Variants in SCN1B observed in about 807,000 individuals in gnomAD.
The protein encoded by SCN1B is sodium channel regulatory subunit beta-1.
In SCN1B, 11 loss-of-function variants were observed where a neutral mutation model predicts 25.7. The observed-to-expected ratio is 0.43, with a 90% confidence interval of 0.27 to 0.71. SCN1B has a LOEUF of 0.71. Among genes scored for constraint, SCN1B ranks in the 30% least tolerant of loss-of-function variants. The pLI is 0.21. For missense variants in SCN1B, 224 were observed against 291.5 expected (o/e 0.77, Z 1.69); for synonymous variants, 119 against 117.5 (o/e 1.01, Z -0.08).
In SCN1B at chr19:35,032,064, C is replaced by G. The variant is rs375583108; in HGVS notation, c.41-464C>G. 6.6e-6 allele frequency among the ~76,000 whole-genome samples: 1 copy of G among 152,248 alleles called. No individual in the cohort carries two copies. The highest frequency in any genetic ancestry group is 1.5e-5 in the Non-Finnish European group (1 of 68,004). Reference sequence around the variant, plus strand: ...CACCCCCAGACCTTTTCTCCCAACCCATTTCTCCTGGAGCTAGCTGGTTTT... The same window carrying G: ...CACCCCCAGACCTTTTCTCCCAACCGATTTCTCCTGGAGCTAGCTGGTTTT... On this transcript the variant is annotated intron_variant, in intron 1 of 5. Transcript: ENST00000262631. This position sits in a 1 kb window ranked among gnomAD's most constrained non-coding sequence, Gnocchi z 4.3.
intron 1 of SCN1B, among the ~76,000 whole-genome samples, chr19:35,031,103 A>G (rs1467267735): frequency 1.4e-5 from 2 of 148,138 alleles, no homozygotes; most frequent in African/African-American, 5.0e-5. Context: ...GCAGGCGCCC[A>G]GCCGGGGGCG....
Position 35,033,779 on chromosome 19 carries a change from G to A in SCN1B, c.448+40G>A, listed in dbSNP as rs199685662. The A allele has an allele frequency of 1.9e-4, 310 of 1,613,714 alleles. No individual in the cohort carries two copies. Among genetic ancestry groups the A allele is most frequent in the Non-Finnish European group, 2.4e-4 (280 of 1,180,030 alleles). Reference sequence around the variant, plus strand: ...GCCTGCCCCTTTACCGTCACCCACCGGAGAGCCAGATGGAGGGACAGATGG... The same window carrying A: ...GCCTGCCCCTTTACCGTCACCCACCAGAGAGCCAGATGGAGGGACAGATGG... On this transcript the variant is annotated intron_variant, in intron 3 of 5. Coordinates refer to ENST00000262631, the MANE Select transcript of SCN1B (RefSeq NM_001037.5).
rs751243472 is a variant in SCN1B, at chr19:35,030,877, C to A, written c.40+17C>A. The A allele has an allele frequency of 4.8e-6, 3 of 623,638 alleles. No homozygotes were observed. The highest frequency in any genetic ancestry group is 6.3e-6 in the Non-Finnish European group (3 of 474,106). 38.6% of individuals were successfully genotyped at this position (623,638 alleles called of 1,614,324 possible). A position where few individuals can be genotyped will look rare whatever the true frequency, so the allele number is the denominator to read the frequency against. On this transcript the variant is annotated intron_variant, in intron 1 of 5. Coordinates refer to ENST00000262631, the MANE Select transcript of SCN1B (RefSeq NM_001037.5). The stretch of plus-strand genomic sequence containing the variant: ...CGGCACTGGGTGAGTGCGCGGGGGG[C>A]GCGCGCGGCCGGGGGGCACCGCGGG...
rs571993369 is a variant in SCN1B at position 35,032,246 on chromosome 19, C to A, written c.41-282C>A. Reference sequence around the variant, plus strand: ...CTGAGTTACCGGCAACGTTGACAGTCCCACTTATGGGGCCTCCCATGTACA... The same window carrying A: ...CTGAGTTACCGGCAACGTTGACAGTACCACTTATGGGGCCTCCCATGTACA... On this transcript the variant is annotated intron_variant, in intron 1 of 5. Transcript: ENST00000262631. This position sits in a 1 kb window ranked among gnomAD's most constrained non-coding sequence, Gnocchi z 4.3. 4.6e-5 allele frequency among the ~76,000 whole-genome samples: 7 copies of A among 152,332 alleles called. No homozygotes were observed. The highest frequency in any genetic ancestry group is 2.0e-4 in the Admixed American group (3 of 15,304).
Position 35,032,830 on chromosome 19 carries a change from ACCAGT to A in SCN1B, c.207+137_207+141del. The A allele has an allele frequency of 9.2e-7, 1 of 1,085,740 alleles. No homozygotes were observed. The highest frequency in any genetic ancestry group is 1.3e-6 in the Non-Finnish European group (1 of 744,692). The allele number at this position is 1,085,740 out of a possible 1,614,324, so 67.3% of individuals were successfully genotyped here. A position where few individuals can be genotyped will look rare whatever the true frequency, so the allele number is the denominator to read the frequency against. On this transcript the variant is annotated intron_variant, in intron 2 of 5. Coordinates refer to ENST00000262631, the MANE Select transcript of SCN1B (RefSeq NM_001037.5). The surrounding 1 kb of genome is among the most constrained non-coding windows in gnomAD (Gnocchi z 4.3). ...TGACCTGGATTCAGATTCTGGCTCCACCAGTGGCCAGCTGGTGACCTTGGCCAAGT... is the reference window on the plus strand; with the variant it reads ...TGACCTGGATTCAGATTCTGGCTCCAGGCCAGCTGGTGACCTTGGCCAAGT...
rs1443401806 is a variant in SCN1B at position 35,030,773 on chromosome 19, A to G, written c.-48A>G. 6 of 747,684 alleles carry G rather than the reference A, an allele frequency of 8.0e-6. No individual in the cohort carries two copies. The highest frequency in any genetic ancestry group is 3.5e-5 in the Admixed American group (1 of 28,460). 46.3% of individuals were successfully genotyped at this position (747,684 alleles called of 1,614,324 possible). ...AGGTCCCGCCGCCTCTCGCCCCGCT[A>G]TTAATACCGGCGGCCCGGGAGGGGG... On this transcript the variant is annotated 5_prime_UTR_variant, in exon 1 of 6. Transcript: ENST00000262631.
Position 35,039,137 on chromosome 19 carries a change from A to T in SCN1B, c.469A>T (p.Ile157Phe). The T allele has an allele frequency of 6.2e-7, 1 of 1,614,208 alleles. No homozygotes were observed. Among genetic ancestry groups the T allele is most frequent in the East Asian group, 2.2e-5 (1 of 44,882 alleles). ...TGCAGCCAACAGAGACATGGCATCC[A>T]TCGTGTCTGAGATCATGATGTATGT... is the stretch of plus-strand genomic sequence containing the variant. ...VDKANRDMAS[I>F]VSEIMMYVLI... Residue 157 changes from isoleucine to phenylalanine, a missense_variant, in exon 4 of 6, where the codon ATC becomes TTC. Physicochemically the swap from Ile to Phe is conservative, Grantham distance 21. Around this residue, in one of 3 missense-constraint regions of SCN1B, gnomAD observed 126 missense variants for 204.9 expected, o/e 0.61. Coordinates refer to ENST00000262631, the MANE Select transcript of SCN1B (RefSeq NM_001037.5).
rs201872896 is a variant in SCN1B at position 35,032,713 on chromosome 19, C to G, written c.207+19C>G. 5 of 1,612,636 alleles carry G rather than the reference C, an allele frequency of 3.1e-6. No individual in the cohort carries two copies. The highest frequency in any genetic ancestry group is 4.2e-6 in the Non-Finnish European group (5 of 1,179,862). On this transcript the variant is annotated intron_variant, in intron 2 of 5. Transcript: ENST00000262631. This position sits in a 1 kb window ranked among gnomAD's most constrained non-coding sequence, Gnocchi z 4.3. ...TGTCAAGGTGTGCGGGTGCCGGGAACGGGCATGGGAGGGCAGGGGTCCACG... is the reference window on the plus strand; with the variant it reads ...TGTCAAGGTGTGCGGGTGCCGGGAAGGGGCATGGGAGGGCAGGGGTCCACG...
intron 5 of SCN1B, 45 bp downstream of exon 5, chr19:35,039,751 C>T (rs535939481): frequency 9.5e-6 from 15 of 1,586,690 alleles, no homozygotes; most frequent in South Asian, 2.2e-5. Flanking sequence ...TGGGAGGGGC[C>T]GAAGTCCCCC....
intron 1 of SCN1B, 106 bp downstream of exon 1, chr19:35,030,966 G>A (rs1235260662): frequency 1.0e-5 from 2 of 200,492 alleles, no homozygotes; most frequent in Admixed American, 6.0e-5. Context: ...GGCCACCCCC[G>A]GCCCATCCCC....
At chr19:35,036,605 G>A (rs1381963324) in intron 3 of SCN1B, 1 of 150,958 alleles carries the variant, frequency 6.6e-6, no homozygotes, top group Non-Finnish European at 1.5e-5. Flanking sequence ...ACTAATTTTT[G>A]TACTTGTAGT....
chr19:35,038,212 G>A (rs912692427), intron 3 of SCN1B: 1 of 152,178 alleles, frequency 6.6e-6, no homozygotes, highest in Non-Finnish European at 1.5e-5. Flanking sequence ...AGCCATCTAG[G>A]AGGGGGCCAG....
At chr19:35,038,483 C>CT (rs2064261475) in intron 3 of SCN1B, 1 of 164,338 alleles carries the variant, frequency 6.1e-6, no homozygotes, top group Non-Finnish European at 1.3e-5. Context: ...GTGAGAGGGT[C>CT]TGAGTGTTCC....
chr19:35,033,407 T>A, intron 2 of SCN1B, 92 bp from the exon 3 acceptor site: 1 of 1,595,090 alleles, frequency 6.3e-7, no homozygotes. Flanking sequence ...GCCATCTGTG[T>A]TTGTGGGTGT....
chr19:35,039,576 C>T (rs1368186694), intron 4 of SCN1B, 59 bp from the exon 5 acceptor site: 18 of 1,568,260 alleles, frequency 1.1e-5, no homozygotes, highest in African/African-American at 4.1e-5. Context: ...TCCCCCATCC[C>T]CCGGGGGTTG....
At chr19:35,036,502 C>A (rs900302649) in intron 3 of SCN1B, 7 of 152,144 alleles carry the variant, frequency 4.6e-5, no homozygotes, top group African/African-American at 1.7e-4. Context: ...TGCAGCAGTA[C>A]AATGTCGGCT....
intron 2 of SCN1B, among the ~76,000 whole-genome samples, chr19:35,033,131 G>A (rs1470160146): frequency 1.3e-5 from 2 of 152,006 alleles, no homozygotes; most frequent in Admixed American, 6.5e-5. Context: ...ATTCTGTGAC[G>A]TGCTGGAGAG....
At chr19:35,035,849 A>G (rs544943090) in intron 3 of SCN1B, 1 of 152,148 alleles carries the variant, frequency 6.6e-6, no homozygotes, top group South Asian at 2.1e-4. Context: ...TACTATCATA[A>G]TATTGCCAAA....
rs1372568638 is a variant in SCN1B, at chr19:35,032,098, A to G, written c.41-430A>G. The stretch of plus-strand genomic sequence containing the variant: ...TGGAGCTAGCTGGTTTTACAATTTA[A>G]TGGTGAAAATGACTGCCACCTTAAA... On this transcript the variant is annotated intron_variant, in intron 1 of 5. Transcript: ENST00000262631. This position sits in a 1 kb window ranked among gnomAD's most constrained non-coding sequence, Gnocchi z 4.3. Among the ~76,000 whole-genome samples, 1 of 152,126 alleles carries G rather than the reference A, an allele frequency of 6.6e-6. No individual in the cohort carries two copies. Among genetic ancestry groups the G allele is most frequent in the Non-Finnish European group, 1.5e-5 (1 of 68,026 alleles).
Sources: allele counts gnomAD v4.1 joint callset (sites outside exome capture counted in the v4.1 genomes callset), GRCh38; gene constraint gnomAD v4.1.1; regional missense constraint gnomAD v4.1.1; non-coding constraint Gnocchi (gnomAD v3.1); transcripts MANE v1.5; gene names NCBI Gene and HGNC (gene_info 2026-07-23, HGNC 2026-07-21).